CATSPERB: variants seen among roughly 807,000 people sequenced by gnomAD.
CATSPERB encodes cation channel sperm-associated auxiliary subunit beta.
Under a neutral mutation model 128.3 loss-of-function variants are expected in CATSPERB, and 93 were observed. The ratio of observed to expected loss-of-function variants is 0.72; its 90% CI spans 0.61 to 0.86. The LOEUF (loss-of-function observed/expected upper bound fraction) is 0.86. Among genes scored for constraint, CATSPERB ranks in the 40% least tolerant of loss-of-function variants. CATSPERB has a pLI of 0.00. For missense variants in CATSPERB, 1,153 were observed against 1,329.5 expected (o/e 0.87, Z 2.06); for synonymous variants, 381 against 448.8 (o/e 0.85, Z 1.91).
chr14:91,718,063 T>C (rs1331828557), intron 5 of CATSPERB, among the ~76,000 whole-genome samples: 1 of 152,148 alleles, frequency 6.6e-6, no homozygotes, highest in Admixed American at 6.5e-5. Flanking sequence ...AGTTTGTAAA[T>C]AAAGAGTAGA....
chr14:91,698,200 A>G (rs1358158214), intron 7 of CATSPERB, among the ~76,000 whole-genome samples: 2 of 152,050 alleles, frequency 1.3e-5, no homozygotes, highest in African/African-American at 4.8e-5. Flanking sequence ...GTGTATAGGA[A>G]TGCTACTGAT....
chr14:91,721,089 C>G (rs1254637839), intron 4 of CATSPERB, among the ~76,000 whole-genome samples: 1 of 152,042 alleles, frequency 6.6e-6, no homozygotes, highest in African/African-American at 2.4e-5. Context: ...AAAATGGATC[C>G]AAGATCTAAA....
At chr14:91,616,125 C>T (rs1893931654) in intron 20 of CATSPERB, among the ~76,000 whole-genome samples, 1 of 152,128 alleles carries the variant, frequency 6.6e-6, no homozygotes, top group African/African-American at 2.4e-5. Context: ...AGGTGATCCG[C>T]CCACCTTGGC....
At chr14:91,689,856 T>C (rs1895437193) in intron 10 of CATSPERB, among the ~76,000 whole-genome samples, 1 of 152,206 alleles carries the variant, frequency 6.6e-6, no homozygotes, top group Non-Finnish European at 1.5e-5. Flanking sequence ...ATTCCCCATA[T>C]TGGTTCTCCT....
In CATSPERB at chr14:91,693,377, G is replaced by C. The variant is rs1454931578; in HGVS notation, c.712+7C>G. 6.2e-7 allele frequency: 1 copy of C among 1,604,514 alleles called. No individual in the cohort carries two copies. Among genetic ancestry groups the C allele is most frequent in the Non-Finnish European group, 8.5e-7 (1 of 1,171,530 alleles). Reference sequence around the variant, plus strand: ...GCTCAAGATGAAGGCAATGTTAGAGGAGTTACCTTCTTGAAGTTGGGAATA... The same window carrying C: ...GCTCAAGATGAAGGCAATGTTAGAGCAGTTACCTTCTTGAAGTTGGGAATA... On this transcript the variant is annotated splice_region_variant and intron_variant, in intron 8 of 26. Transcript: ENST00000256343.
At chr14:91,641,051 T>C (rs1894488514) in intron 15 of CATSPERB, among the ~76,000 whole-genome samples, 1 of 120,830 alleles carries the variant, frequency 8.3e-6, no homozygotes, top group African/African-American at 3.2e-5. Flanking sequence ...GAAGTGTCTG[T>C]TCATGTCCTT....
intron 26 of CATSPERB, among the ~76,000 whole-genome samples, chr14:91,585,298 A>T (rs571255716): frequency 6.6e-6 from 1 of 152,136 alleles, no homozygotes; most frequent in African/African-American, 2.4e-5. Context: ...TTTTTTCCCC[A>T]TACCAGTCTT....
intron 15 of CATSPERB, among the ~76,000 whole-genome samples, chr14:91,644,514 T>C (rs1185887174): frequency 2.3e-5 from 3 of 131,930 alleles, no homozygotes; most frequent in African/African-American, 5.7e-5. Flanking sequence ...AAAATTCTTT[T>C]CTTTAAGAAT....
intron 10 of CATSPERB, among the ~76,000 whole-genome samples, chr14:91,685,039 G>A (rs552808224): frequency 1.0e-3 from 152 of 152,052 alleles, no homozygotes; most frequent in Non-Finnish European, 1.6e-3. Context: ...AAATCCTCCC[G>A]CCTCAGCCTC....
intron 5 of CATSPERB, 33 bp downstream of exon 5, chr14:91,719,384 CA>C (rs1283515939): frequency 2.1e-6 from 3 of 1,447,822 alleles, no homozygotes; most frequent in Non-Finnish European, 1.9e-6. Flanking sequence ...AATCCAGACC[CA>C]GGGGTAAAAG....
At chr14:91,601,413 T>A (rs1308078439) in intron 22 of CATSPERB, among the ~76,000 whole-genome samples, 3 of 152,196 alleles carry the variant, frequency 2.0e-5, no homozygotes, top group African/African-American at 7.2e-5. Context: ...CCAAACAACA[T>A]ATTTTTAGAG....
intron 15 of CATSPERB, among the ~76,000 whole-genome samples, chr14:91,650,021 G>A (rs1894677133): frequency 6.6e-6 from 1 of 152,224 alleles, no homozygotes; most frequent in East Asian, 1.9e-4. Context: ...GATAAATATG[G>A]CAAGAAATGC....
chr14:91,731,892 A>G (rs1896219139), intron 1 of CATSPERB, 38 bp downstream of exon 1: 1 of 152,456 alleles, frequency 6.6e-6, no homozygotes, highest in Non-Finnish European at 1.5e-5. Context: ...TTCATACTCC[A>G]GCAGGGTCCT....
Position 91,587,153 on chromosome 14 carries a change from G to GT in CATSPERB, c.3132+48dup, listed in dbSNP as rs751276697. The GT allele has an allele frequency of 2.8e-5, 40 of 1,448,384 alleles. No individual in the cohort carries two copies. The East Asian group carries it at 4.3e-4, about 15-fold the overall frequency. The allele number at this position is 1,448,384 out of a possible 1,614,324, so 89.7% of individuals were successfully genotyped here. On this transcript the variant is annotated intron_variant, in intron 26 of 26. Coordinates refer to ENST00000256343, the MANE Select transcript of CATSPERB (RefSeq NM_024764.4). ...GTGTCTCTTGAATTGGTTTTGTCATGTTTTTTCCCCAGCCATCACCCCTCT... is the reference window on the plus strand; with the variant it reads ...GTGTCTCTTGAATTGGTTTTGTCATGTTTTTTTCCCCAGCCATCACCCCTCT...
chr14:91,697,081 C>A (rs1194550195), intron 7 of CATSPERB, among the ~76,000 whole-genome samples: 3 of 152,058 alleles, frequency 2.0e-5, no homozygotes, highest in East Asian at 3.9e-4. Flanking sequence ...ATAGGCAGTA[C>A]TCTTTATAGG....
intron 20 of CATSPERB, among the ~76,000 whole-genome samples, chr14:91,615,390 T>C (rs533586051): frequency 6.6e-6 from 1 of 152,312 alleles, no homozygotes; most frequent in Admixed American, 6.5e-5. Context: ...GGAAAAACTG[T>C]CCTCCATGAA....
chr14:91,603,305 A>G (rs1312290532), intron 22 of CATSPERB: 140 of 1,504,964 alleles, frequency 9.3e-5, no homozygotes, highest in Non-Finnish European at 1.3e-4. Flanking sequence ...GCACTGGTTT[A>G]TAATCTGTAT....
intron 10 of CATSPERB, 22 bp from the exon 11 acceptor site, chr14:91,683,965 C>T: frequency 6.7e-7 from 1 of 1,493,074 alleles, no homozygotes; most frequent in Non-Finnish European, 9.2e-7. Flanking sequence ...AATAAAATAT[C>T]ACTTAGCCAA....
intron 5 of CATSPERB, among the ~76,000 whole-genome samples, chr14:91,714,555 C>CT (rs56965295): frequency 0.11 from 9,378 of 87,974 alleles, 573 homozygotes; most frequent in Middle Eastern, 0.16. Flanking sequence ...CCATAAACTA[C>CT]TTTTTTTTTT....
Sources: gnomAD v4.1 joint callset for allele counts (sites outside exome capture counted in the v4.1 genomes callset) on GRCh38, gnomAD v4.1.1 for gene constraint, MANE v1.5 for transcripts, NCBI Gene and HGNC (gene_info 2026-07-23, HGNC 2026-07-21) for gene names.